MSMB: variants seen among roughly 807,000 people sequenced by gnomAD.
MSMB encodes beta-microseminoprotein.
A neutral mutation model predicts 10.5 loss-of-function variants in MSMB; 10 were observed. That is an observed-to-expected ratio of 0.95 (90% CI 0.59 to 1.62). The LOEUF is 1.62. MSMB is among the 40% of genes most tolerant of loss of function. The pLI, the probability that MSMB is intolerant of heterozygous loss-of-function variation, is 0.00. For synonymous variants in MSMB, 43 were observed against 46.5 expected (o/e 0.93, Z 0.30); for missense variants, 126 against 137.4 (o/e 0.92, Z 0.42).
chr10:46,046,197 T>G, intron 1 of MSMB, 38 bp downstream of exon 1: 1 of 1,595,214 alleles, frequency 6.3e-7, no homozygotes, highest in Middle Eastern at 1.7e-4. Context: ...TATTCTCTTT[T>G]GCTTTTCTAG....
At chr10:46,035,705 A>G (rs1554927454) in intron 3 of MSMB, among the ~76,000 whole-genome samples, 1 of 152,238 alleles carries the variant, frequency 6.6e-6, no homozygotes, top group African/African-American at 2.4e-5. Context: ...TGGAGTCATT[A>G]AAAAGATTTG....
chr10:46,036,009 CAGAG>C (rs1275296284), intron 3 of MSMB, among the ~76,000 whole-genome samples: 1 of 151,890 alleles, frequency 6.6e-6, no homozygotes, highest in East Asian at 1.9e-4. Flanking sequence ...GAGGAAACAG[CAGAG>C]AGAGAGAGGG....
chr10:46,035,226 C>T (rs1306425045), intron 3 of MSMB, among the ~76,000 whole-genome samples: 1 of 152,080 alleles, frequency 6.6e-6, no homozygotes, highest in East Asian at 1.9e-4. Context: ...CTTGGCAGCT[C>T]CTCAATAAGT....
chr10:46,041,344 CAAAAAAAA>C lies in MSMB; in HGVS notation c.4-1261_4-1254del, dbSNP rs60728604. Among the ~76,000 whole-genome samples, 618 of 96,598 alleles carry C rather than the reference CAAAAAAAA, an allele frequency of 6.4e-3. 1 individual carries two copies. The highest frequency in any genetic ancestry group is 9.9e-3 in the African/African-American group (332 of 33,450). The allele number at this position is 96,598 out of a possible 152,430, so 63.4% of individuals were successfully genotyped here. A position where few individuals can be genotyped will look rare whatever the true frequency, so the allele number is the denominator to read the frequency against. On this transcript the variant is annotated intron_variant, in intron 1 of 3. Transcript: ENST00000582163. The stretch of plus-strand genomic sequence containing the variant: ...TGGGCAAGAGAGTGAGACTCCGTCT[CAAAAAAAA>C]AAAAAAAAAAAAAATCAATTAAGAT...
chr10:46,046,080 T>C (rs137935128), intron 1 of MSMB, among the ~76,000 whole-genome samples, 155 bp downstream of exon 1: 106 of 152,366 alleles, frequency 7.0e-4, no homozygotes, highest in African/African-American at 2.4e-3. Flanking sequence ...CAGACTCTCA[T>C]ACTCTGCACA....
At chr10:46,034,117 T>C (rs1391848550) in intron 3 of MSMB, among the ~76,000 whole-genome samples, 2 of 152,176 alleles carry the variant, frequency 1.3e-5, no homozygotes, top group Admixed American at 6.5e-5. Flanking sequence ...ATTACTATTA[T>C]TACTTTAATT....
Position 46,039,032 on chromosome 10 carries a change from G to C in MSMB, c.149C>G (p.Ser50Trp). The change falls in exon 3 of 4, where the codon TCG (serine) becomes TGG (tryptophan). Residue 50 changes from serine (S) to tryptophan (W), a missense_variant. Physicochemically the swap from Ser to Trp is radical, Grantham distance 177. Transcript: ENST00000582163. Reference protein sequence around the residue: ...DLKGNKHPINSEWQTDNCETC... With the variant: ...DLKGNKHPINWEWQTDNCETC... ...CTCACAGTTGTCAGTCTGCCACTCC[G>C]AGTTTATTGGGTGTTTGTTTCCTTT... is the stretch of plus-strand genomic sequence containing the variant. 6.2e-7 allele frequency: 1 copy of C among 1,613,998 alleles called. No individual in the cohort carries two copies. The highest frequency in any genetic ancestry group is 8.5e-7 in the Non-Finnish European group (1 of 1,179,978).
chr10:46,042,976 G>A (rs764900901), intron 1 of MSMB, among the ~76,000 whole-genome samples: 5 of 152,092 alleles, frequency 3.3e-5, no homozygotes, highest in African/African-American at 4.8e-5. Flanking sequence ...ATGACACAAC[G>A]CCTTGATACA....
intron 3 of MSMB, among the ~76,000 whole-genome samples, chr10:46,034,581 C>T (rs10994577): frequency 0.33 from 49,488 of 151,338 alleles, 9,900 homozygotes; most frequent in African/African-American, 0.58. Flanking sequence ...ATCCCAGCAC[C>T]TTGGGAGGCC....
chr10:46,044,547 G>T (rs1554929151), intron 1 of MSMB, among the ~76,000 whole-genome samples: 1 of 124,488 alleles, frequency 8.0e-6, no homozygotes, highest in African/African-American at 3.0e-5. Flanking sequence ...CTGCACTCCA[G>T]CCTGGGCGAC....
chr10:46,042,336 T>C (rs1272899828), intron 1 of MSMB, among the ~76,000 whole-genome samples: 1 of 152,050 alleles, frequency 6.6e-6, no homozygotes, highest in Non-Finnish European at 1.5e-5. Context: ...AAAGTTCAAC[T>C]TACTGATAAC....
chr10:46,040,155 T>A, intron 1 of MSMB, 64 bp from the exon 2 acceptor site: 1 of 1,411,908 alleles, frequency 7.1e-7, no homozygotes. Context: ...CTTGACTGAG[T>A]GCTGTGTACC....
In MSMB at chr10:46,033,568, A is replaced by G; in HGVS notation, c.216-17T>C. The G allele has an allele frequency of 6.2e-7, 1 of 1,612,402 alleles. No individual in the cohort carries two copies. Among genetic ancestry groups the G allele is most frequent in the Non-Finnish European group, 8.5e-7 (1 of 1,178,720 alleles). ...GTAGAAACACTGTCATTGAGACAAA[A>G]CTGGGGCCTGTTAGAAGAGAAAGGA... On this transcript the variant is annotated splice_polypyrimidine_tract_variant and intron_variant, in intron 3 of 3. Transcript: ENST00000582163.
chr10:46,040,525 TG>T (rs1281798919), intron 1 of MSMB, among the ~76,000 whole-genome samples: 1 of 152,226 alleles, frequency 6.6e-6, no homozygotes, highest in African/African-American at 2.4e-5. Flanking sequence ...AATAGCCAAA[TG>T]CCCAACAGGC....
At chr10:46,045,449 C>T (rs985545065) in intron 1 of MSMB, among the ~76,000 whole-genome samples, 13 of 152,146 alleles carry the variant, frequency 8.5e-5, no homozygotes, top group Admixed American at 8.5e-4. Context: ...GGAGGATCAC[C>T]TGAGCCCAGG....
chr10:46,043,666 T>C (rs968499559), intron 1 of MSMB, among the ~76,000 whole-genome samples: 4 of 152,052 alleles, frequency 2.6e-5, no homozygotes, highest in African/African-American at 4.8e-5. Flanking sequence ...TGTTTTGTTT[T>C]GTTTGTCTGT....
At chr10:46,045,073 A>C (rs1266505078) in intron 1 of MSMB, among the ~76,000 whole-genome samples, 2 of 151,182 alleles carry the variant, frequency 1.3e-5, no homozygotes, top group Non-Finnish European at 2.9e-5. Flanking sequence ...ACCCTCTCCC[A>C]CCTCCCTTGG....
chr10:46,033,370 G>A lies in MSMB; in HGVS notation c.*52C>T. On this transcript the variant is annotated 3_prime_UTR_variant, in exon 4 of 4. Coordinates refer to ENST00000582163, the MANE Select transcript of MSMB (RefSeq NM_002443.4). ...GCTACACAATCATTGACTATTAGAG[G>A]CCAGAGGAGAATGAGGCCTGGCCTG... 1 of 1,603,880 alleles carries A rather than the reference G, an allele frequency of 6.2e-7. No homozygotes were observed. The highest frequency in any genetic ancestry group is 8.5e-7 in the Non-Finnish European group (1 of 1,174,346).
chr10:46,038,131 G>A (rs1840651370), intron 3 of MSMB, among the ~76,000 whole-genome samples: 1 of 152,198 alleles, frequency 6.6e-6, no homozygotes, highest in Admixed American at 6.5e-5. Flanking sequence ...GGGATGGAGA[G>A]TGACTGCTTA....
Sources: allele counts gnomAD v4.1 joint callset (sites outside exome capture counted in the v4.1 genomes callset), GRCh38; gene constraint gnomAD v4.1.1; transcripts MANE v1.5; gene names NCBI Gene and HGNC (gene_info 2026-07-23, HGNC 2026-07-21).